The following DSCAM variants were observed in gnomAD, a reference collection of about 807,000 sequenced individuals.
DSCAM encodes the protein DS cell adhesion molecule, also known as cell adhesion molecule DSCAM.
A neutral mutation model predicts 217.7 loss-of-function variants in DSCAM; 47 were observed. The observed-to-expected ratio is 0.22, with a 90% CI of 0.17 to 0.28. The LOEUF (loss-of-function observed/expected upper bound fraction) is 0.28, where lower values mean the gene tolerates loss of function less well. Among genes scored for constraint, DSCAM ranks in the 10% least tolerant of loss-of-function variants. The pLI, the probability that DSCAM is intolerant of heterozygous loss-of-function variation, is 1.00. For synonymous variants in DSCAM, 1,056 were observed against 1,015.3 expected (o/e 1.04, Z -0.76); for missense variants, 2,080 against 2,618.3 (o/e 0.79, Z 4.49).
At chr21:40,770,737 G>C (rs564064558) in intron 1 of DSCAM, among the ~76,000 whole-genome samples, 11 of 152,214 alleles carry the variant, frequency 7.2e-5, no homozygotes, top group African/African-American at 1.9e-4. Context: ...CCATCTTCCA[G>C]ATGAAAAAAA....
intron 3 of DSCAM, among the ~76,000 whole-genome samples, chr21:40,428,017 G>A (rs2075492059): frequency 6.6e-6 from 1 of 152,120 alleles, no homozygotes. Context: ...TCTTCGCTCT[G>A]GGAGAGCTCC....
At chr21:40,015,572 G>A (rs1333928082) in intron 32 of DSCAM, among the ~76,000 whole-genome samples, 3 of 152,148 alleles carry the variant, frequency 2.0e-5, no homozygotes, top group Non-Finnish European at 4.4e-5. Context: ...TAGGGCTACA[G>A]TTACATACCA....
intron 3 of DSCAM, among the ~76,000 whole-genome samples, chr21:40,415,925 T>C (rs981937529): frequency 2.0e-5 from 3 of 152,264 alleles, no homozygotes; most frequent in South Asian, 4.2e-4. Flanking sequence ...GTTTTATAGC[T>C]CAGATTTTCT....
chr21:40,117,992 C>T (rs939363721), intron 20 of DSCAM, among the ~76,000 whole-genome samples: 8 of 152,106 alleles, frequency 5.3e-5, no homozygotes, highest in East Asian at 3.9e-4. Context: ...TGCACAAATG[C>T]AGACACATAT....
At chr21:40,381,080 A>G (rs951760234) in intron 3 of DSCAM, among the ~76,000 whole-genome samples, 11 of 150,988 alleles carry the variant, frequency 7.3e-5, no homozygotes, top group East Asian at 2.0e-4. Context: ...AAAAAAAAAA[A>G]AAAAGAAAAT....
intron 3 of DSCAM, among the ~76,000 whole-genome samples, chr21:40,420,164 A>G (rs1000631925): frequency 6.6e-6 from 1 of 152,196 alleles, no homozygotes. Context: ...TGATGAGATA[A>G]TCACAATGTA....
chr21:40,240,349 GTTTTTT>G (rs749073872), intron 11 of DSCAM, among the ~76,000 whole-genome samples: 190 of 57,738 alleles, frequency 3.3e-3, no homozygotes, highest in African/African-American at 3.7e-3. Flanking sequence ...TTCCTCACTG[GTTTTTT>G]TTTTTTTTTT....
intron 9 of DSCAM, among the ~76,000 whole-genome samples, chr21:40,296,872 T>C (rs1429610402): frequency 6.6e-6 from 1 of 151,058 alleles, no homozygotes; most frequent in Non-Finnish European, 1.5e-5. Flanking sequence ...CAAATATATA[T>C]TTGTGCCTCA....
At chr21:40,241,811 C>T (rs537386872) in intron 11 of DSCAM, among the ~76,000 whole-genome samples, 7 of 152,300 alleles carry the variant, frequency 4.6e-5, no homozygotes, top group African/African-American at 1.4e-4. Context: ...GAATACCATG[C>T]GGCCATAAAA....
chr21:40,691,676 A>C (rs539765263), intron 3 of DSCAM, among the ~76,000 whole-genome samples: 1 of 152,260 alleles, frequency 6.6e-6, no homozygotes, highest in Non-Finnish European at 1.5e-5. Flanking sequence ...ATTAATCAAC[A>C]TAACAGCAAG....
chr21:40,483,213 G>C (rs1980408), intron 3 of DSCAM, among the ~76,000 whole-genome samples: 118,563 of 152,190 alleles, frequency 0.78, 46,707 homozygotes, highest in African/African-American at 0.9. Context: ...TGATCTTGCA[G>C]GACTTACAAA....
intron 3 of DSCAM, among the ~76,000 whole-genome samples, chr21:40,433,427 G>A (rs1428157222): frequency 6.6e-6 from 1 of 150,888 alleles, no homozygotes; most frequent in Non-Finnish European, 1.5e-5. Flanking sequence ...CATAACATCT[G>A]CCTGTTCATA....
intron 3 of DSCAM, among the ~76,000 whole-genome samples, chr21:40,508,804 T>C (rs2076235418): frequency 1.7e-5 from 2 of 119,278 alleles, no homozygotes; most frequent in South Asian, 2.9e-4. Flanking sequence ...TTTTTTTTTT[T>C]TTTTTTACTT....
intron 3 of DSCAM, among the ~76,000 whole-genome samples, chr21:40,532,271 A>G (rs1448095061): frequency 9.3e-6 from 1 of 107,506 alleles, no homozygotes; most frequent in East Asian, 2.6e-4. Flanking sequence ...ACTAATAAAT[A>G]TCAGATAAGA....
At chr21:40,311,933 A>AG in intron 9 of DSCAM, 148 bp downstream of exon 9, 1 of 201,404 alleles carries the variant, frequency 5.0e-6, no homozygotes, top group Non-Finnish European at 8.4e-6. Context: ...TTAGAGTCGT[A>AG]TTTTTTTTTT....
At chr21:40,445,566 A>G (rs2837629) in intron 3 of DSCAM, among the ~76,000 whole-genome samples, 105,916 of 152,048 alleles carry the variant, frequency 0.7, 36,991 homozygotes, top group Middle Eastern at 0.8. Context: ...TCCCTTGCCC[A>G]TCATCACTTT....
chr21:40,145,705 C>T (rs12152005), intron 16 of DSCAM, among the ~76,000 whole-genome samples: 71,721 of 151,708 alleles, frequency 0.47, 19,584 homozygotes, highest in South Asian at 0.63. Context: ...ATTAGCCAGG[C>T]ATGGTGGTGG....
intron 3 of DSCAM, among the ~76,000 whole-genome samples, chr21:40,442,880 G>T (rs756751067): frequency 4.3e-4 from 66 of 152,066 alleles, no homozygotes; most frequent in Admixed American, 2.2e-3. Flanking sequence ...AATAATACAG[G>T]ATACATCTGT....
chr21:40,398,007 C>A (rs752944688), intron 3 of DSCAM, among the ~76,000 whole-genome samples: 4 of 152,126 alleles, frequency 2.6e-5, no homozygotes, highest in African/African-American at 9.7e-5. Context: ...CGGAGCATTA[C>A]TCCTTGTCAA....
Sources: gnomAD v4.1 joint callset for allele counts (sites outside exome capture counted in the v4.1 genomes callset) on GRCh38, gnomAD v4.1.1 for gene constraint, MANE v1.5 for transcripts, NCBI Gene and HGNC (gene_info 2026-07-23, HGNC 2026-07-21) for gene names.